The following GPR158 variants were observed in gnomAD, a reference collection of about 807,000 sequenced individuals.
GPR158 encodes metabotropic glycine receptor.
In GPR158, 30 loss-of-function variants were observed where a neutral mutation model predicts 78.2. The observed-to-expected ratio is 0.38, with a 90% CI of 0.29 to 0.52. GPR158 has a LOEUF of 0.52. Among genes scored for constraint, GPR158 ranks in the 20% least tolerant of loss-of-function variants. The pLI, the probability that GPR158 is intolerant of heterozygous loss-of-function variation, is 0.83. For synonymous variants in GPR158, 581 were observed against 591.1 expected, an observed-to-expected ratio of 0.98 and a Z score of 0.25; for missense variants, 1,463 against 1,523.5, an observed-to-expected ratio of 0.96 and a Z score of 0.66.
intron 7 of GPR158, among the ~76,000 whole-genome samples, chr10:25,584,576 G>T (rs1430591483): frequency 6.6e-6 from 1 of 152,146 alleles, no homozygotes; most frequent in Non-Finnish European, 1.5e-5. Flanking sequence ...TGTAAAAACT[G>T]TGTGGTAAGT....
chr10:25,534,697 C>T lies in GPR158; in HGVS notation c.1405-16279C>T, dbSNP rs1192784859. On this transcript the variant is annotated intron_variant, in intron 5 of 10. Transcript: ENST00000376351. ...TGAACCCAAGAGGTGGAGGTTGCAG[C>T]GAGCCAACATTGTGCCACTGCACTT... Among the ~76,000 whole-genome samples the T allele has an allele frequency of 4.6e-5, 7 of 151,902 alleles. No homozygotes were observed. The East Asian group carries it at 7.7e-4, about 17-fold the overall frequency.
rs1390008649 is a variant in GPR158, at chr10:25,270,272, A to G, written c.1008+49115A>G. The stretch of plus-strand genomic sequence containing the variant: ...AGAAAGATGATTCTGCTAGAATTGT[A>G]TAGATTCTTTGGTTACTGAAGAATA... On this transcript the variant is annotated intron_variant, in intron 2 of 10. Coordinates refer to ENST00000376351, the MANE Select transcript of GPR158 (RefSeq NM_020752.3). Among the ~76,000 whole-genome samples the G allele has an allele frequency of 2.0e-5, 3 of 152,186 alleles. No individual in the cohort carries two copies. The East Asian group carries it at 5.8e-4, about 29-fold the overall frequency.
At chr10:25,308,766 A>AT (rs758781770) in intron 2 of GPR158, among the ~76,000 whole-genome samples, 4 of 151,952 alleles carry the variant, frequency 2.6e-5, no homozygotes, top group Non-Finnish European at 4.4e-5. Context: ...TGTCTCTATG[A>AT]TTTTGACTGC....
intron 2 of GPR158, among the ~76,000 whole-genome samples, chr10:25,249,740 C>T (rs954497314): frequency 1.3e-5 from 2 of 152,000 alleles, no homozygotes; most frequent in African/African-American, 4.8e-5. Context: ...ATTTTTGCAT[C>T]AATGTTCATC....
chr10:25,393,113 T>C (rs1834323342), intron 2 of GPR158, among the ~76,000 whole-genome samples: 1 of 152,232 alleles, frequency 6.6e-6, no homozygotes, highest in Non-Finnish European at 1.5e-5. Flanking sequence ...TATTTGGCAA[T>C]ATGTACCAGA....
At chr10:25,247,014 C>T (rs574505516) in intron 2 of GPR158, among the ~76,000 whole-genome samples, 1 of 152,246 alleles carries the variant, frequency 6.6e-6, no homozygotes, top group South Asian at 2.1e-4. Flanking sequence ...TGAAAGTCAA[C>T]GGTGCCTTTT....
chr10:25,375,211 C>T (rs1354760560), intron 2 of GPR158, among the ~76,000 whole-genome samples: 3 of 151,394 alleles, frequency 2.0e-5, no homozygotes, highest in Non-Finnish European at 3.0e-5. Flanking sequence ...ATGTCCTTTG[C>T]GTATATTCTA....
intron 5 of GPR158, among the ~76,000 whole-genome samples, chr10:25,531,173 T>C (rs188071716): frequency 6.6e-6 from 1 of 152,320 alleles, no homozygotes; most frequent in East Asian, 1.9e-4. Context: ...TGAAAACAAA[T>C]TTTTTATAGA....
At chr10:25,459,973 T>C (rs1457011993) in intron 4 of GPR158, among the ~76,000 whole-genome samples, 2 of 152,112 alleles carry the variant, frequency 1.3e-5, no homozygotes, top group African/African-American at 2.4e-5. Flanking sequence ...TTGGGAGGTA[T>C]ATTGATTAGG....
chr10:25,314,290 G>A (rs1246461594), intron 2 of GPR158, among the ~76,000 whole-genome samples: 3 of 151,926 alleles, frequency 2.0e-5, no homozygotes, highest in African/African-American at 7.3e-5. Flanking sequence ...TAATAGAGAC[G>A]GGGTTTCACC....
chr10:25,589,618 T>C (rs143512441), intron 8 of GPR158, among the ~76,000 whole-genome samples: 13 of 152,298 alleles, frequency 8.5e-5, no homozygotes, highest in African/African-American at 2.9e-4. Context: ...ACTACTTCAA[T>C]CTGATGACTA....
chr10:25,290,177 A>C (rs1854414617), intron 2 of GPR158, among the ~76,000 whole-genome samples: 1 of 152,230 alleles, frequency 6.6e-6, no homozygotes, highest in Non-Finnish European at 1.5e-5. Context: ...AAACTTACTC[A>C]GATTAAATGT....
intron 2 of GPR158, among the ~76,000 whole-genome samples, chr10:25,249,437 A>T (rs1273896325): frequency 2.0e-4 from 31 of 151,472 alleles, no homozygotes; most frequent in Admixed American, 7.2e-4. Flanking sequence ...AGTATGATAT[A>T]GGCTGTGGGT....
intron 2 of GPR158, among the ~76,000 whole-genome samples, chr10:25,390,165 G>A (rs889485808): frequency 1.3e-5 from 2 of 152,126 alleles, no homozygotes; most frequent in South Asian, 4.1e-4. Flanking sequence ...TAAGTCTTGG[G>A]TATATCCTTA....
chr10:25,490,443 T>A (rs1203496963), intron 5 of GPR158, among the ~76,000 whole-genome samples: 2 of 41,526 alleles, frequency 4.8e-5, no homozygotes, highest in African/African-American at 2.2e-4. Flanking sequence ...CCCTCCCCCC[T>A]CCCCCCACCC....
intron 2 of GPR158, among the ~76,000 whole-genome samples, chr10:25,314,383 G>A (rs1321432613): frequency 6.6e-6 from 1 of 152,126 alleles, no homozygotes; most frequent in Non-Finnish European, 1.5e-5. Context: ...ACAGGCATGA[G>A]CCACCACACC....
intron 1 of GPR158, among the ~76,000 whole-genome samples, chr10:25,200,863 G>GTTT (rs1209435056): frequency 2.4e-5 from 2 of 84,504 alleles, no homozygotes; most frequent in African/African-American, 9.0e-5. Flanking sequence ...TCTGTTTTTT[G>GTTT]TTTTGTTTTT....
chr10:25,304,864 C>G (rs61200313), intron 2 of GPR158, among the ~76,000 whole-genome samples: 3 of 151,980 alleles, frequency 2.0e-5, no homozygotes, highest in African/African-American at 7.3e-5. Context: ...ACTGGTAATA[C>G]AATCCAGTTA....
At chr10:25,346,160 A>G (rs1855368303) in intron 2 of GPR158, among the ~76,000 whole-genome samples, 1 of 151,922 alleles carries the variant, frequency 6.6e-6, no homozygotes, top group African/African-American at 2.4e-5. Context: ...ATTACCTGTA[A>G]TAAAAGAGTA....
Sources: allele counts gnomAD v4.1 joint callset (sites outside exome capture counted in the v4.1 genomes callset), GRCh38; gene constraint gnomAD v4.1.1; transcripts MANE v1.5; gene names NCBI Gene and HGNC (gene_info 2026-07-23, HGNC 2026-07-21).